Variants in MINDY2 observed in about 807,000 individuals in gnomAD.
MINDY2 encodes the protein ubiquitin carboxyl-terminal hydrolase MINDY-2.
MINDY2 carries 52 observed loss-of-function variants against 68.2 expected under a neutral mutation model. The observed-to-expected ratio is 0.76, with a 90% CI of 0.61 to 0.96. The LOEUF is 0.96. MINDY2 is among the 40% of genes least tolerant of loss of function. MINDY2 has a pLI of 0.00. For missense variants in MINDY2, 881 were observed against 773.4 expected (o/e 1.14, Z -1.65); for synonymous variants, 372 against 303.0 (o/e 1.23, Z -2.36).
At position 58,794,032 on chromosome 15, in the gene MINDY2, C is replaced by G. The variant is rs150310692; in HGVS notation, c.898+6069C>G. Among the ~76,000 whole-genome samples, 111 of 152,056 alleles carry G rather than the reference C, an allele frequency of 7.3e-4. No individual in the cohort carries two copies. In the Middle Eastern group the frequency reaches 0.017, roughly 23 times the overall value. ...AGGCCAGGATTTAACCAGAGCTGGA[C>G]TTTTGCCTGATGAGCGTGTTGACGA... On this transcript the variant is annotated intron_variant, in intron 2 of 8. Transcript: ENST00000559228.
At chr15:58,783,039 C>T (rs1901262964) in intron 1 of MINDY2, among the ~76,000 whole-genome samples, 1 of 148,938 alleles carries the variant, frequency 6.7e-6, no homozygotes, top group Non-Finnish European at 1.5e-5. Flanking sequence ...CCTCCCTCAG[C>T]CTCCTGAGTA....
At chr15:58,838,217 G>T (rs1453452027) in intron 6 of MINDY2, among the ~76,000 whole-genome samples, 5 of 150,782 alleles carry the variant, frequency 3.3e-5, no homozygotes, top group African/African-American at 1.2e-4. Flanking sequence ...GGCCAACATG[G>T]TGAAACCCCA....
chr15:58,803,945 G>GAAAAAAAAAAAAAAAAA (rs34082956), intron 3 of MINDY2, among the ~76,000 whole-genome samples: 1 of 77,236 alleles, frequency 1.3e-5, no homozygotes, highest in African/African-American at 5.1e-5. Flanking sequence ...CAGCTCTACT[G>GAAAAAAAAAAAAAAAAA]AAAAAAAAAA....
chr15:58,830,208 C>G (rs1004173967), intron 5 of MINDY2, among the ~76,000 whole-genome samples: 6 of 152,220 alleles, frequency 3.9e-5, no homozygotes, highest in Admixed American at 3.9e-4. Flanking sequence ...ACCACTGTCC[C>G]TAGGATAAAT....
chr15:58,841,030 A>G (rs2032255825), intron 6 of MINDY2, among the ~76,000 whole-genome samples: 1 of 147,834 alleles, frequency 6.8e-6, no homozygotes, highest in South Asian at 2.1e-4. Flanking sequence ...CACCCAGGCT[A>G]GAGTGCAGTG....
chr15:58,778,004 G>A (rs1900881976), intron 1 of MINDY2, among the ~76,000 whole-genome samples: 1 of 152,004 alleles, frequency 6.6e-6, no homozygotes, highest in Non-Finnish European at 1.5e-5. Flanking sequence ...GTTTATTTGA[G>A]GGCTGTGACC....
chr15:58,793,623 A>C (rs1902081444), intron 2 of MINDY2, among the ~76,000 whole-genome samples: 1 of 152,184 alleles, frequency 6.6e-6, no homozygotes, highest in African/African-American at 2.4e-5. Flanking sequence ...AAACTAGAGA[A>C]AGGGAACTGC....
chr15:58,822,331 A>T (rs1179545367), intron 5 of MINDY2, among the ~76,000 whole-genome samples: 1 of 152,062 alleles, frequency 6.6e-6, no homozygotes, highest in Non-Finnish European at 1.5e-5. Flanking sequence ...TTTTCATTTA[A>T]CTTGTAAAAT....
At chr15:58,783,206 C>T (rs981078020) in intron 1 of MINDY2, among the ~76,000 whole-genome samples, 1 of 152,006 alleles carries the variant, frequency 6.6e-6, no homozygotes, top group Non-Finnish European at 1.5e-5. Flanking sequence ...CAGGAGTGAC[C>T]GACTCTGCCC....
intron 8 of MINDY2, 53 bp downstream of exon 8, chr15:58,852,018 G>T: frequency 7.3e-7 from 1 of 1,368,074 alleles, no homozygotes; most frequent in South Asian, 1.4e-5. Flanking sequence ...TGGGTGTAGT[G>T]GCTCACACCT....
intron 1 of MINDY2, among the ~76,000 whole-genome samples, chr15:58,784,729 C>T (rs1347826285): frequency 6.6e-6 from 1 of 150,738 alleles, no homozygotes. Context: ...AAGTGGTGCT[C>T]CCACCTCAGC....
chr15:58,808,439 G>A (rs568414296), intron 3 of MINDY2, among the ~76,000 whole-genome samples: 1 of 152,152 alleles, frequency 6.6e-6, no homozygotes, highest in East Asian at 1.9e-4. Context: ...GCCCTTTCCA[G>A]AATGTCATTT....
intron 5 of MINDY2, among the ~76,000 whole-genome samples, chr15:58,823,350 C>T (rs181580621): frequency 8.5e-4 from 129 of 151,848 alleles, no homozygotes; most frequent in African/African-American, 3.0e-3. Context: ...GAGGTTTATG[C>T]TATTCTTCTA....
intron 5 of MINDY2, among the ~76,000 whole-genome samples, chr15:58,830,684 G>T (rs2031662623): frequency 1.3e-5 from 2 of 152,122 alleles, no homozygotes; most frequent in Non-Finnish European, 2.9e-5. Context: ...CAGCACTTTG[G>T]CATTATGCTT....
At chr15:58,826,000 C>T (rs1171185069) in intron 5 of MINDY2, among the ~76,000 whole-genome samples, 1 of 151,926 alleles carries the variant, frequency 6.6e-6, no homozygotes, top group Non-Finnish European at 1.5e-5. Context: ...ATTTATTGAG[C>T]CTTTATTATG....
intron 1 of MINDY2, among the ~76,000 whole-genome samples, chr15:58,778,650 A>G (rs540165734): frequency 5.0e-4 from 76 of 151,576 alleles, no homozygotes; most frequent in African/African-American, 1.7e-3. Flanking sequence ...TTTTTGAGAT[A>G]GACTATCATT....
intron 1 of MINDY2, among the ~76,000 whole-genome samples, chr15:58,784,007 T>G (rs930395858): frequency 4.6e-5 from 7 of 152,068 alleles, no homozygotes; most frequent in Non-Finnish European, 8.8e-5. Context: ...CTTTTATTAA[T>G]TTAAATATTC....
chr15:58,854,641 A>G lies in MINDY2; in HGVS notation c.*31A>G. The G allele has an allele frequency of 6.3e-7, 1 of 1,579,184 alleles. No homozygotes were observed. The highest frequency in any genetic ancestry group is 2.3e-5 in the East Asian group (1 of 44,424). On this transcript the variant is annotated 3_prime_UTR_variant, in exon 9 of 9. Coordinates refer to ENST00000559228, the MANE Select transcript of MINDY2 (RefSeq NM_001040450.3). The stretch of plus-strand genomic sequence containing the variant: ...GTTGGCTTCTGTTGGAACCACCTAT[A>G]TGTCTTGAGAAACAAAACCACAGGA...
At chr15:58,840,185 A>G (rs1027693087) in intron 6 of MINDY2, among the ~76,000 whole-genome samples, 14 of 144,022 alleles carry the variant, frequency 9.7e-5, no homozygotes, top group African/African-American at 3.1e-4. Flanking sequence ...TGAGGTCACA[A>G]TGGATGTGTA....
Sources: gnomAD v4.1 joint callset for allele counts (sites outside exome capture counted in the v4.1 genomes callset) on GRCh38, gnomAD v4.1.1 for gene constraint, MANE v1.5 for transcripts, NCBI Gene and HGNC (gene_info 2026-07-23, HGNC 2026-07-21) for gene names.